The following GLIS3 variants were observed in gnomAD, a reference collection of about 807,000 sequenced individuals.
GLIS3 encodes zinc finger protein GLIS3.
GLIS3 carries 53 observed loss-of-function variants against 78.6 expected under a neutral mutation model. The observed-to-expected ratio is 0.67, with a 90% CI of 0.54 to 0.85. The LOEUF is 0.85. Ranked by LOEUF, GLIS3 falls within the 40% of genes least tolerant of loss-of-function variation. The pLI, the probability that GLIS3 is intolerant of heterozygous loss-of-function variation, is 0.00. For missense variants in GLIS3, 1,703 were observed against 1,231.1 expected (o/e 1.38, Z -5.74); for synonymous variants, 684 against 509.9 (o/e 1.34, Z -4.60).
At position 4,053,288 on chromosome 9, in the gene GLIS3, G is replaced by A. The variant is rs974762611; in HGVS notation, c.1710+64480C>T. On this transcript the variant is annotated intron_variant, in intron 4 of 10. Transcript: ENST00000381971. The stretch of plus-strand genomic sequence containing the variant: ...ATAACCGGTATTAACTAGCATGAGG[G>A]GCCATTGTGGGATCAAGCAATAGCT... Among the ~76,000 whole-genome samples the A allele has an allele frequency of 4.6e-5, 7 of 152,174 alleles. No homozygotes were observed. The East Asian group carries it at 5.8e-4, about 13-fold the overall frequency.
chr9:4,175,954 A>T (rs980755873), intron 2 of GLIS3, among the ~76,000 whole-genome samples: 17 of 152,242 alleles, frequency 1.1e-4, no homozygotes, highest in Non-Finnish European at 2.4e-4. Flanking sequence ...ATTGAAATCC[A>T]GGGCTTCTCC....
chr9:3,875,356 T>C (rs1821244140), intron 8 of GLIS3, among the ~76,000 whole-genome samples: 1 of 152,222 alleles, frequency 6.6e-6, no homozygotes, highest in African/African-American at 2.4e-5. Flanking sequence ...TATTTTATGA[T>C]GGTAAGGATC....
the GLIS3 span, among the ~76,000 whole-genome samples, chr9:4,369,541 C>T: frequency 1.3e-5 from 2 of 152,156 alleles, no homozygotes; most frequent in South Asian, 2.1e-4. Flanking sequence ...ACAGGAAGAA[C>T]ATTAGCCTGA....
chr9:4,423,889 C>G, the GLIS3 span, among the ~76,000 whole-genome samples: 2 of 152,106 alleles, frequency 1.3e-5, no homozygotes, highest in Admixed American at 1.3e-4. Flanking sequence ...CATTGCTAAA[C>G]TTTAATCTGT....
chr9:4,426,077 TG>T, the GLIS3 span, among the ~76,000 whole-genome samples: 2 of 152,172 alleles, frequency 1.3e-5, no homozygotes, highest in Non-Finnish European at 1.5e-5. Context: ...CACAATTTCC[TG>T]AGGTGCCAAG....
rs756282241 is a variant in GLIS3 at position 3,932,477 on chromosome 9, G to GAGAA, written c.1873-11_1873-8dup. ...TTTGACAAGCATAAGGTTTCTAAAT[G>GAGAA]AGAAAGAAAGAAAGAAACAGCTGTG... On this transcript the variant is annotated splice_polypyrimidine_tract_variant and splice_region_variant and intron_variant, in intron 5 of 10. Transcript: ENST00000381971. 8 of 1,587,006 alleles carry GAGAA rather than the reference G, an allele frequency of 5.0e-6. No individual in the cohort carries two copies. Among genetic ancestry groups the GAGAA allele is most frequent in the Non-Finnish European group, 5.2e-6 (6 of 1,155,614 alleles).
chr9:4,201,025 T>C lies in GLIS3; in HGVS notation c.389-75084A>G, dbSNP rs1819342893. ...CTTCATTCCTGGGATGCAAGATTGG[T>C]TCATCATATGCAAATCCATAGATGT... On this transcript the variant is annotated intron_variant, in intron 2 of 10. Coordinates refer to ENST00000381971, the MANE Select transcript of GLIS3 (RefSeq NM_001042413.2). Among the ~76,000 whole-genome samples, 8 of 152,196 alleles carry C rather than the reference T, an allele frequency of 5.3e-5. No homozygotes were observed. The South Asian group carries it at 1.7e-3, about 31-fold the overall frequency.
intron 4 of GLIS3, among the ~76,000 whole-genome samples, chr9:4,033,677 C>T (rs1417266920): frequency 6.6e-6 from 1 of 152,060 alleles, no homozygotes; most frequent in Non-Finnish European, 1.5e-5. Context: ...GATTCCTATG[C>T]ACATTCAAGT....
chr9:3,987,887 A>T (rs960688224), intron 4 of GLIS3, among the ~76,000 whole-genome samples: 3 of 151,942 alleles, frequency 2.0e-5, no homozygotes, highest in African/African-American at 7.2e-5. Context: ...TTAAAAATTT[A>T]AAATCTAAAG....
chr9:4,283,046 A>T (rs1460375796), intron 2 of GLIS3, among the ~76,000 whole-genome samples: 1 of 151,932 alleles, frequency 6.6e-6, no homozygotes, highest in Non-Finnish European at 1.5e-5. Flanking sequence ...TTCCCAGAAT[A>T]AGTCCCAGAC....
At chr9:4,135,478 C>G (rs1219159912) in intron 2 of GLIS3, among the ~76,000 whole-genome samples, 3 of 152,190 alleles carry the variant, frequency 2.0e-5, no homozygotes, top group Non-Finnish European at 4.4e-5. Flanking sequence ...TGAGAGAAGT[C>G]ATCGAACTAT....
intron 4 of GLIS3, among the ~76,000 whole-genome samples, chr9:3,944,980 G>T (rs147032037): frequency 9.8e-4 from 150 of 152,314 alleles, no homozygotes; most frequent in Non-Finnish European, 1.9e-3. Context: ...GCCTGCTTTG[G>T]AGACAACTGA....
intron 2 of GLIS3, among the ~76,000 whole-genome samples, chr9:4,140,803 T>TTC (rs1833755122): frequency 0.01 from 6 of 578 alleles, 1 homozygote; most frequent in Non-Finnish European, 0.016. Flanking sequence ...TGAATTTATC[T>TTC]TTTTTTTTTT....
intron 2 of GLIS3, among the ~76,000 whole-genome samples, chr9:4,266,081 G>C (rs1416874730): frequency 1.3e-5 from 2 of 151,866 alleles, no homozygotes; most frequent in Non-Finnish European, 2.9e-5. Context: ...ACCATGCCCG[G>C]CTAATTTTTT....
chr9:4,104,727 G>A (rs1052213139), intron 4 of GLIS3, among the ~76,000 whole-genome samples: 5 of 152,132 alleles, frequency 3.3e-5, no homozygotes, highest in African/African-American at 1.2e-4. Flanking sequence ...CAACACTCCT[G>A]CCTTGAGGCC....
chr9:4,483,162 A>T, the GLIS3 span, among the ~76,000 whole-genome samples: 2 of 152,100 alleles, frequency 1.3e-5, no homozygotes, highest in Non-Finnish European at 2.9e-5. Flanking sequence ...ATCACTAGAC[A>T]TCCCCCCAAA....
intron 4 of GLIS3, chr9:4,081,464 C>G (rs1197248076): frequency 6.6e-6 from 1 of 152,198 alleles, no homozygotes; most frequent in Admixed American, 6.5e-5. Context: ...GCTGTCAGTC[C>G]TCTCATGAGG....
chr9:4,015,902 A>AC, intron 4 of GLIS3, among the ~76,000 whole-genome samples: 1 of 151,894 alleles, frequency 6.6e-6, no homozygotes, highest in East Asian at 1.9e-4. Context: ...AAAAAAAAAA[A>AC]AAAAAAAAAA....
chr9:4,102,306 C>A (rs1388869246), intron 4 of GLIS3, among the ~76,000 whole-genome samples: 1 of 152,260 alleles, frequency 6.6e-6, no homozygotes, highest in South Asian at 2.1e-4. Context: ...TGGTCAGGGT[C>A]CTTGTGAGGC....
Sources: gnomAD v4.1 joint callset for allele counts (sites outside exome capture counted in the v4.1 genomes callset) on GRCh38, gnomAD v4.1.1 for gene constraint, MANE v1.5 for transcripts, NCBI Gene and HGNC (gene_info 2026-07-23, HGNC 2026-07-21) for gene names.